VPS13D: variants seen among roughly 807,000 people sequenced by gnomAD.
VPS13D encodes vacuolar protein sorting 13 homolog D.
Under a neutral mutation model 461.9 loss-of-function variants are expected in VPS13D, and 187 were observed. The observed-to-expected ratio is 0.40, with a 90% CI of 0.36 to 0.46. VPS13D has a LOEUF of 0.46. VPS13D is among the 20% of genes least tolerant of loss of function. VPS13D has a pLI of 0.60. For synonymous variants in VPS13D, 1,951 were observed against 1,986.3 expected (o/e 0.98, Z 0.47); for missense variants, 4,711 against 5,364.9 (o/e 0.88, Z 3.81).
chr1:12,260,620 T>G (rs986453997), intron 10 of VPS13D, 73 bp from the exon 11 acceptor site: 11 of 1,266,904 alleles, frequency 8.7e-6, no homozygotes, highest in Non-Finnish European at 1.2e-5. Flanking sequence ...TAGTGGCTTG[T>G]GAGGGTGTCC....
At chr1:12,456,153 C>G in intron 66 of VPS13D, 23 bp downstream of exon 66, 2 of 1,590,788 alleles carry the variant, frequency 1.3e-6, no homozygotes, top group Non-Finnish European at 1.7e-6. Flanking sequence ...TGACATCAGG[C>G]TCTGCTGCTG....
Position 12,271,811 on chromosome 1 carries a change from G to C in VPS13D, c.2103+687G>C, listed in dbSNP as rs557325663. Among the ~76,000 whole-genome samples the C allele has an allele frequency of 3.9e-5, 6 of 152,282 alleles. No homozygotes were observed. In the South Asian group the frequency reaches 1.0e-3, roughly 26 times the overall value. On this transcript the variant is annotated intron_variant, in intron 17 of 69. Transcript: ENST00000620676. ...AATGATGCCCCAGCTTCTATTCTAGGGTGTGATGATTAGGTACTTTGTGAT... is the reference window on the plus strand; with the variant it reads ...AATGATGCCCCAGCTTCTATTCTAGCGTGTGATGATTAGGTACTTTGTGAT...
chr1:12,254,899 C>T (rs1407886726), intron 7 of VPS13D, among the ~76,000 whole-genome samples: 1 of 151,588 alleles, frequency 6.6e-6, no homozygotes, highest in African/African-American at 2.4e-5. Context: ...TTTTTTTCCT[C>T]CACCCAGGGT....
intron 67 of VPS13D, among the ~76,000 whole-genome samples, chr1:12,494,881 A>G (rs890447599): frequency 1.3e-5 from 2 of 152,222 alleles, no homozygotes; most frequent in African/African-American, 4.8e-5. Flanking sequence ...CAAAGCTTGC[A>G]TACTGGCCTT....
chr1:12,469,072 GGGC>G (rs1170506980), intron 67 of VPS13D, among the ~76,000 whole-genome samples: 1 of 151,244 alleles, frequency 6.6e-6, no homozygotes, highest in Non-Finnish European at 1.5e-5. Flanking sequence ...TTGTTATATT[GGGC>G]TTATATAATT....
chr1:12,497,960 T>C (rs1175770279), intron 68 of VPS13D, among the ~76,000 whole-genome samples: 1 of 152,226 alleles, frequency 6.6e-6, no homozygotes, highest in Non-Finnish European at 1.5e-5. Context: ...TGTAAAAATT[T>C]CTTAAAGTTT....
At chr1:12,492,355 A>G (rs1645894402) in intron 67 of VPS13D, among the ~76,000 whole-genome samples, 1 of 152,266 alleles carries the variant, frequency 6.6e-6, no homozygotes, top group Admixed American at 6.5e-5. Flanking sequence ...TATCCATTCA[A>G]GCAGCAAAGA....
chr1:12,382,463 C>A (rs1644296248), intron 57 of VPS13D, among the ~76,000 whole-genome samples: 1 of 152,120 alleles, frequency 6.6e-6, no homozygotes, highest in Admixed American at 6.5e-5. Context: ...ACTCTGTATT[C>A]CATTCTAGAA....
Position 12,311,569 on chromosome 1 carries a change from G to A in VPS13D, c.6766G>A (p.Gly2256Arg). 6.2e-7 allele frequency: 1 copy of A among 1,614,120 alleles called. No individual in the cohort carries two copies. The highest frequency in any genetic ancestry group is 8.5e-7 in the Non-Finnish European group (1 of 1,180,014). ...CCGCGGCTTATTAGAGAACAACCTG[G>A]GAGAACCCATAGAGGAATTTATGCG... is the stretch of plus-strand genomic sequence containing the variant. ...LIRGLLENNL[G>R]EPIEEFMRPY... Residue 2256 changes from glycine to arginine, a missense_variant, in exon 28 of 70, where the codon GGA becomes AGA. Physicochemically the swap from Gly to Arg is moderately radical, Grantham distance 125. Coordinates refer to ENST00000620676, the MANE Select transcript of VPS13D (RefSeq NM_015378.4).
At chr1:12,271,217 A>G in intron 17 of VPS13D, 93 bp downstream of exon 17, 1 of 1,480,754 alleles carries the variant, frequency 6.8e-7, no homozygotes, top group Non-Finnish European at 9.3e-7. Flanking sequence ...AGGCTTACTT[A>G]TATCAATTAT....
intron 41 of VPS13D, 81 bp downstream of exon 41, chr1:12,341,966 C>A (rs1042193275): frequency 1.5e-6 from 2 of 1,323,676 alleles, no homozygotes. Flanking sequence ...CAAGGTGGGC[C>A]CCCTCTTGAG....
Position 12,438,984 on chromosome 1 carries a change from C to T in VPS13D, c.12334-17014C>T, listed in dbSNP as rs186418783. On this transcript the variant is annotated intron_variant, in intron 65 of 69. Coordinates refer to ENST00000620676, the MANE Select transcript of VPS13D (RefSeq NM_015378.4). ...TCTGAACATATCCCTCCCGCGCCCACCTTCTAGTCCTCGTTCATCTTTGGC... is the reference window on the plus strand; with the variant it reads ...TCTGAACATATCCCTCCCGCGCCCATCTTCTAGTCCTCGTTCATCTTTGGC... 3.3e-5 allele frequency among the ~76,000 whole-genome samples: 5 copies of T among 152,274 alleles called. No individual in the cohort carries two copies. The East Asian group carries it at 9.7e-4, about 29-fold the overall frequency.
chr1:12,268,232 G>A (rs1641331186), intron 15 of VPS13D, among the ~76,000 whole-genome samples: 1 of 147,910 alleles, frequency 6.8e-6, no homozygotes, highest in South Asian at 2.1e-4. Flanking sequence ...TTACAAGTGT[G>A]AGCCACCATG....
intron 30 of VPS13D, among the ~76,000 whole-genome samples, chr1:12,316,603 A>G (rs1380328935): frequency 1.3e-5 from 2 of 152,218 alleles, no homozygotes; most frequent in Admixed American, 6.5e-5. Flanking sequence ...AGAAGGAGCC[A>G]TGCATCATGC....
intron 62 of VPS13D, among the ~76,000 whole-genome samples, 168 bp from the exon 63 acceptor site, chr1:12,403,657 A>G (rs1024041382): frequency 1.3e-5 from 2 of 152,262 alleles, no homozygotes; most frequent in Non-Finnish European, 2.9e-5. Context: ...CTTACAAAGA[A>G]TGGCATCAGA....
chr1:12,484,440 T>C (rs1480907107), intron 67 of VPS13D, among the ~76,000 whole-genome samples: 2 of 152,260 alleles, frequency 1.3e-5, no homozygotes, highest in East Asian at 3.8e-4. Context: ...CACATAGTGA[T>C]GGACTCAGAG....
rs1333144571 is a variant in VPS13D, at chr1:12,277,953, A to G, written c.4365A>G (p.Pro1455=). ...VGSEGSRMFC[P]PSGSGSANSQ... ...CTGAAGGAAGCCGGATGTTTTGCCC[A>G]CCTTCCGGGTCTGGCAGTGCCAACA... The change falls in exon 19 of 70, where the codon CCA becomes CCG. Residue 1455 remains proline, a synonymous_variant. Coordinates refer to ENST00000620676, the MANE Select transcript of VPS13D (RefSeq NM_015378.4). 5.6e-6 allele frequency: 9 copies of G among 1,614,172 alleles called. No homozygotes were observed. The highest frequency in any genetic ancestry group is 7.6e-6 in the Non-Finnish European group (9 of 1,180,020).
At chr1:12,436,529 C>T (rs1238695424) in intron 65 of VPS13D, among the ~76,000 whole-genome samples, 4 of 152,172 alleles carry the variant, frequency 2.6e-5, no homozygotes, top group Admixed American at 6.5e-5. Flanking sequence ...CTTGTTTCGC[C>T]CCCACCCACC....
intron 18 of VPS13D, among the ~76,000 whole-genome samples, chr1:12,274,012 G>GT (rs1222061422): frequency 1.3e-5 from 2 of 151,964 alleles, no homozygotes; most frequent in African/African-American, 4.8e-5. Context: ...GTAACTCTAT[G>GT]TTTTAATATT....
Sources: gnomAD v4.1 joint callset for allele counts (sites outside exome capture counted in the v4.1 genomes callset) on GRCh38, gnomAD v4.1.1 for gene constraint, MANE v1.5 for transcripts, NCBI Gene and HGNC (gene_info 2026-07-23, HGNC 2026-07-21) for gene names.